FAM86B2: variants seen among roughly 807,000 people sequenced by gnomAD.
The protein encoded by FAM86B2 is putative protein N-methyltransferase FAM86B2.
FAM86B2 carries 1 observed loss-of-function variant against 26.5 expected under a neutral mutation model. The observed-to-expected ratio is 0.04, with a 90% CI of 0.01 to 0.18. The LOEUF (loss-of-function observed/expected upper bound fraction) is 0.18, where lower values mean the gene tolerates loss of function less well. Among genes scored for constraint, FAM86B2 ranks in the 10% least tolerant of loss-of-function variants. FAM86B2 has a pLI of 1.00. For synonymous variants in FAM86B2, 11 were observed against 127.8 expected (o/e 0.09, Z 6.17); for missense variants, 43 against 303.5 (o/e 0.14, Z 6.38).
chr8:12,434,874 CT>C (rs1304983912), intron 1 of FAM86B2, among the ~76,000 whole-genome samples: 4 of 151,312 alleles, frequency 2.6e-5, no homozygotes, highest in Non-Finnish European at 5.9e-5. Flanking sequence ...GGTGACACTT[CT>C]CCCCAGTTGC....
At chr8:12,433,401 T>TGGGGGGGGGG (rs1798355471) in intron 2 of FAM86B2, among the ~76,000 whole-genome samples, 1 of 37,118 alleles carries the variant, frequency 2.7e-5, no homozygotes. Flanking sequence ...ATGGGCTGGG[T>TGGGGGGGGGG]GGGTGGGCGT....
intron 1 of FAM86B2, among the ~76,000 whole-genome samples, chr8:12,434,880 A>T (rs1798530846): frequency 1.3e-5 from 2 of 151,308 alleles, no homozygotes; most frequent in African/African-American, 4.9e-5. Flanking sequence ...ACTTCTCCCC[A>T]GTTGCTCCAT....
At chr8:12,433,720 A>G (rs955483216) in intron 2 of FAM86B2, among the ~76,000 whole-genome samples, 2 of 146,548 alleles carry the variant, frequency 1.4e-5, no homozygotes, top group African/African-American at 5.1e-5. Flanking sequence ...AATGCAAAAA[A>G]GAAAGTCTCT....
intron 7 of FAM86B2, 112 bp downstream of exon 7, chr8:12,427,545 G>C: frequency 1.2e-6 from 1 of 865,710 alleles, no homozygotes; most frequent in African/African-American, 2.3e-5. Context: ...CGCATAGTGT[G>C]GGAGTGTGGA....
At chr8:12,428,055 G>A (rs200258111) in intron 6 of FAM86B2, among the ~76,000 whole-genome samples, 18,359 of 66,510 alleles carry the variant, frequency 0.28, 262 homozygotes, top group East Asian at 0.5. Flanking sequence ...TAAAAAACCA[G>A]CTCTGGTTCT....
At chr8:12,434,553 G>C (rs1798487657) in intron 1 of FAM86B2, among the ~76,000 whole-genome samples, 1 of 110,498 alleles carries the variant, frequency 9.0e-6, no homozygotes, top group Admixed American at 9.6e-5. Flanking sequence ...GACTGTCTCG[G>C]CTGGTATGTG....
chr8:12,429,589 C>T (rs1446428185), intron 4 of FAM86B2, among the ~76,000 whole-genome samples: 3 of 44,026 alleles, frequency 6.8e-5, no homozygotes, highest in African/African-American at 2.6e-4. Context: ...TCCTGCCTCA[C>T]CTGCCCAGGT....
rs1392601077 is a variant in FAM86B2, at chr8:12,431,573, T to A, written c.240+509A>T. Among the ~76,000 whole-genome samples the A allele has an allele frequency of 1.4e-3, 79 of 57,402 alleles. 10 individuals carry two copies. The highest frequency in any genetic ancestry group is 5.5e-3 in the African/African-American group (76 of 13,720). The allele number at this position is 57,402 out of a possible 152,430, so 37.7% of individuals were successfully genotyped here. A position where few individuals can be genotyped will look rare whatever the true frequency, so the allele number is the denominator to read the frequency against. On this transcript the variant is annotated intron_variant, in intron 3 of 7. Coordinates refer to ENST00000262365, the MANE Select transcript of FAM86B2 (RefSeq NM_001137610.3). ...ATAAATAAATAAATAAATAAATAAA[T>A]AAGTAAAAAATAAAATCCATCCTAT...
intron 6 of FAM86B2, among the ~76,000 whole-genome samples, chr8:12,428,294 C>T (rs1420648682): frequency 1.4e-5 from 2 of 147,468 alleles, no homozygotes; most frequent in African/African-American, 2.5e-5. Flanking sequence ...GGTGGCCCAG[C>T]CAAACAGCAC....
chr8:12,432,677 G>C (rs1798267004), intron 2 of FAM86B2: 1 of 83,806 alleles, frequency 1.2e-5, no homozygotes, highest in African/African-American at 3.6e-5. Context: ...GGTGGCCACG[G>C]GCTGGCACTT....
chr8:12,429,366 C>T (rs1418765303), intron 4 of FAM86B2, among the ~76,000 whole-genome samples: 2 of 20,284 alleles, frequency 9.9e-5, no homozygotes, highest in South Asian at 3.7e-3. Flanking sequence ...GGAATTCTGG[C>T]GATGGAGCAC....
intron 6 of FAM86B2, among the ~76,000 whole-genome samples, chr8:12,428,424 C>A (rs1239921724): frequency 1.3e-5 from 2 of 152,088 alleles, no homozygotes; most frequent in Non-Finnish European, 2.9e-5. Flanking sequence ...CGGGAGTATG[C>A]CTGTCTCCAA....
At chr8:12,427,318 A>C in intron 7 of FAM86B2, among the ~76,000 whole-genome samples, 1 of 102,476 alleles carries the variant, frequency 9.8e-6, no homozygotes, top group Non-Finnish European at 2.0e-5. Context: ...CCTGCAGTCC[A>C]CAGCTGTGTC....
chr8:12,426,543 AGTGCAGT>A (rs1318800366), intron 7 of FAM86B2, among the ~76,000 whole-genome samples: 64 of 70,482 alleles, frequency 9.1e-4, no homozygotes, highest in African/African-American at 3.7e-3. Context: ...CCCACGCTGG[AGTGCAGT>A]GGTGAGATCA....
In FAM86B2 at chr8:12,424,950, G is replaced by A. The variant is rs2150872544; in HGVS notation, c.*939C>T. ...AACCTGCAAGAGTCTCAGCAGCTCT[G>A]ATGGGATGAGAGCTGGGTGCAGACT... is the stretch of plus-strand genomic sequence containing the variant. On this transcript the variant is annotated 3_prime_UTR_variant, in exon 8 of 8. Coordinates refer to ENST00000262365, the MANE Select transcript of FAM86B2 (RefSeq NM_001137610.3). The A allele has an allele frequency of 6.5e-7, 1 of 1,536,290 alleles. No individual in the cohort carries two copies. The highest frequency in any genetic ancestry group is 1.4e-5 in the African/African-American group (1 of 73,014).
chr8:12,428,592 A>C (rs1813035872), intron 6 of FAM86B2, 41 bp downstream of exon 6: 1 of 1,338,674 alleles, frequency 7.5e-7, no homozygotes, highest in Non-Finnish European at 1.0e-6. Context: ...GTAGAGCTGC[A>C]AGGACACCGC....
chr8:12,435,024 C>G, intron 1 of FAM86B2, among the ~76,000 whole-genome samples: 1 of 149,768 alleles, frequency 6.7e-6, no homozygotes. Context: ...TGGTGCCTGG[C>G]TCACGGAAGG....
chr8:12,434,834 T>C (rs1481020543), intron 1 of FAM86B2, among the ~76,000 whole-genome samples: 1 of 150,028 alleles, frequency 6.7e-6, no homozygotes, highest in Non-Finnish European at 1.5e-5. Flanking sequence ...GCCACCTCTT[T>C]GGGGAAGGCT....
At chr8:12,435,400 A>T in intron 1 of FAM86B2, among the ~76,000 whole-genome samples, 1 of 104,138 alleles carries the variant, frequency 9.6e-6, no homozygotes, top group Non-Finnish European at 2.0e-5. Flanking sequence ...CAGTGTGGGC[A>T]TGTGAACAAT....
Sources: gnomAD v4.1 joint callset for allele counts (sites outside exome capture counted in the v4.1 genomes callset) on GRCh38, gnomAD v4.1.1 for gene constraint, MANE v1.5 for transcripts, NCBI Gene and HGNC (gene_info 2026-07-23, HGNC 2026-07-21) for gene names.